PUM2: variants seen among roughly 807,000 people sequenced by gnomAD.
The protein encoded by PUM2 is pumilio RNA binding family member 2.
A neutral mutation model predicts 124.5 loss-of-function variants in PUM2; 57 were observed. The observed-to-expected ratio is 0.46, with a 90% CI of 0.37 to 0.57. The LOEUF (loss-of-function observed/expected upper bound fraction) is 0.57. Ranked by LOEUF, PUM2 falls within the 20% of genes least tolerant of loss-of-function variation. The pLI, the probability that PUM2 is intolerant of heterozygous loss-of-function variation, is 0.00. For missense variants in PUM2, 1,065 were observed against 1,290.6 expected, an observed-to-expected ratio of 0.83 and a Z score of 2.68; for synonymous variants, 460 against 446.1, an observed-to-expected ratio of 1.03 and a Z score of -0.39.
rs182781560 is a variant in PUM2, at chr2:20,255,381, C to A, written c.2623-40G>T. 1.0e-5 allele frequency: 16 copies of A among 1,555,808 alleles called. 1 individual carries two copies. In the African/African-American group the frequency reaches 1.6e-4, roughly 16 times the overall value. Reference sequence around the variant, plus strand: ...AAGAATTAAAATTTGTATTCTCTGACATTTTTGAACAGTTCTATGAAGCAG... The same window carrying A: ...AAGAATTAAAATTTGTATTCTCTGAAATTTTTGAACAGTTCTATGAAGCAG... On this transcript the variant is annotated intron_variant, in intron 17 of 20. Coordinates refer to ENST00000361078, the MANE Select transcript of PUM2 (RefSeq NM_015317.5).
At chr2:20,256,296 T>C (rs1664741687) in intron 16 of PUM2, 126 bp from the exon 17 acceptor site, 1 of 874,684 alleles carries the variant, frequency 1.1e-6, no homozygotes. Context: ...TTAAAAATAC[T>C]GAGATGGGAA....
chr2:20,340,635 C>T (rs1040639779), intron 1 of PUM2, among the ~76,000 whole-genome samples: 6 of 152,152 alleles, frequency 3.9e-5, no homozygotes, highest in African/African-American at 7.2e-5. Flanking sequence ...GCAAGACAGG[C>T]GGATTTTTAT....
chr2:20,260,259 C>T, intron 15 of PUM2, 78 bp downstream of exon 15: 1 of 1,369,532 alleles, frequency 7.3e-7, no homozygotes, highest in South Asian at 1.7e-5. Flanking sequence ...ATGACTTTAC[C>T]CAACTTTCAG....
At chr2:20,293,537 C>T (rs756841902) in intron 9 of PUM2, among the ~76,000 whole-genome samples, 3 of 151,908 alleles carry the variant, frequency 2.0e-5, no homozygotes, top group African/African-American at 7.3e-5. Context: ...GGTGAAACCC[C>T]GTCTCTAATA....
At chr2:20,343,508 T>C (rs1007411948) in intron 1 of PUM2, among the ~76,000 whole-genome samples, 20 of 152,230 alleles carry the variant, frequency 1.3e-4, no homozygotes, top group Non-Finnish European at 2.9e-5. Flanking sequence ...CCAGTTGTGC[T>C]AGTAATTGTA....
At chr2:20,255,425 T>A in intron 17 of PUM2, 84 bp from the exon 18 acceptor site, 1 of 1,414,056 alleles carries the variant, frequency 7.1e-7, no homozygotes, top group Non-Finnish European at 9.6e-7. Flanking sequence ...GTTTTTTTTT[T>A]TTTTGACAAC....
At position 20,312,325 on chromosome 2, in the gene PUM2, T is replaced by G; in HGVS notation, c.259A>C (p.Ser87Arg). 6.2e-7 allele frequency: 1 copy of G among 1,613,488 alleles called. No individual in the cohort carries two copies. The highest frequency in any genetic ancestry group is 1.3e-5 in the African/African-American group (1 of 75,008). The change falls in exon 4 of 21, where the codon AGT becomes CGT. Residue 87 changes from serine (S) to arginine (R), a missense_variant. Physicochemically the swap from Ser to Arg is moderately radical, Grantham distance 110. Coordinates refer to ENST00000361078, the MANE Select transcript of PUM2 (RefSeq NM_015317.5). ...VNAILSPRSE[S>R]GGLGVSMVEY... ...ACCATGCTCACACCAAGGCCTCCAC[T>G]TTCTGATCGCGGAGACAGTATTGCA...
chr2:20,337,582 A>T (rs1192784332), intron 1 of PUM2, among the ~76,000 whole-genome samples: 1 of 151,972 alleles, frequency 6.6e-6, no homozygotes. Flanking sequence ...GCAGTCTGAC[A>T]GAAAGCCACA....
chr2:20,332,890 T>G (rs1315636001), intron 1 of PUM2: 1 of 152,190 alleles, frequency 6.6e-6, no homozygotes, highest in East Asian at 1.9e-4. Context: ...ATAAATTCTA[T>G]CTTCAATTTT....
In PUM2 at chr2:20,255,966, C is replaced by T. The variant is rs574391182; in HGVS notation, c.2622+67G>A. 10 of 1,410,728 alleles carry T rather than the reference C, an allele frequency of 7.1e-6. No individual in the cohort carries two copies. In the Admixed American group the frequency reaches 1.1e-4, roughly 15 times the overall value. 87.4% of individuals were successfully genotyped at this position (1,410,728 alleles called of 1,614,324 possible). A position where few individuals can be genotyped will look rare whatever the true frequency, so the allele number is the denominator to read the frequency against. On this transcript the variant is annotated intron_variant, in intron 17 of 20. Coordinates refer to ENST00000361078, the MANE Select transcript of PUM2 (RefSeq NM_015317.5). Reference sequence around the variant, plus strand: ...GTATTATCTAGTGACTCATGAAAAACGTGTTGATATTCAAAATTCTAAAAT... The same window carrying T: ...GTATTATCTAGTGACTCATGAAAAATGTGTTGATATTCAAAATTCTAAAAT...
In PUM2 at chr2:20,271,006, G is replaced by A. The variant is rs749809309; in HGVS notation, c.1958-7546C>T. Among the ~76,000 whole-genome samples, 7 of 152,142 alleles carry A rather than the reference G, an allele frequency of 4.6e-5. No individual in the cohort carries two copies. The South Asian group carries it at 1.2e-3, about 27-fold the overall frequency. ...AAGATTATGAAATAAAGTGAAATAA[G>A]ACAAGAACATTACAATCATTATATT... On this transcript the variant is annotated intron_variant, in intron 13 of 20. Transcript: ENST00000361078.
intron 19 of PUM2, 141 bp downstream of exon 19, chr2:20,254,722 A>G: frequency 1.2e-6 from 1 of 830,708 alleles, no homozygotes; most frequent in South Asian, 2.7e-5. Flanking sequence ...AACAAAAGCA[A>G]TGTTCTATAG....
In PUM2 at chr2:20,256,210, C is replaced by T. The variant is rs74836332; in HGVS notation, c.2485-40G>A. The T allele has an allele frequency of 1.4e-3, 2,111 of 1,528,318 alleles. 15 individuals are homozygous for T. The African/African-American group carries it at 0.02, about 14-fold the overall frequency. 94.7% of individuals were successfully genotyped at this position (1,528,318 alleles called of 1,614,324 possible). A position where few individuals can be genotyped will look rare whatever the true frequency, so the allele number is the denominator to read the frequency against. ...ATGTCATTTAAATTATTACCTCAAA[C>T]GAGAAAATACTAGTATATTTTATCT... On this transcript the variant is annotated intron_variant, in intron 16 of 20. Coordinates refer to ENST00000361078, the MANE Select transcript of PUM2 (RefSeq NM_015317.5).
chr2:20,336,801 T>G (rs1006096027), intron 1 of PUM2, among the ~76,000 whole-genome samples: 31 of 126,448 alleles, frequency 2.5e-4, no homozygotes, highest in African/African-American at 4.5e-4. Flanking sequence ...TGTGTGTGTG[T>G]GGTACAGACG....
chr2:20,299,605 T>C (rs746699846), intron 7 of PUM2, among the ~76,000 whole-genome samples: 1 of 151,926 alleles, frequency 6.6e-6, no homozygotes, highest in African/African-American at 2.4e-5. Context: ...GAGGTGGAGG[T>C]TGCAGTGAGC....
Position 20,272,131 on chromosome 2 carries a change from T to TG in PUM2, c.1957+6451dup, listed in dbSNP as rs1264706202. On this transcript the variant is annotated intron_variant, in intron 13 of 20. Coordinates refer to ENST00000361078, the MANE Select transcript of PUM2 (RefSeq NM_015317.5). The stretch of plus-strand genomic sequence containing the variant: ...GAAATCGCACCATTGCACTCCAGCC[T>TG]GGGGGGCAGAGCAAGACTTCGTCAA... Among the ~76,000 whole-genome samples, 10 of 151,544 alleles carry TG rather than the reference T, an allele frequency of 6.6e-5. 3 individuals carry two copies. Among genetic ancestry groups the TG allele is most frequent in the African/African-American group, 2.4e-4 (10 of 41,250 alleles).
chr2:20,302,840 A>C (rs1426985911), intron 7 of PUM2, among the ~76,000 whole-genome samples: 2 of 152,250 alleles, frequency 1.3e-5, no homozygotes, highest in East Asian at 3.8e-4. Context: ...AAACTCTCTA[A>C]GATAACAAAA....
intron 1 of PUM2, among the ~76,000 whole-genome samples, chr2:20,348,389 C>A (rs1296153676): frequency 6.6e-6 from 1 of 152,080 alleles, no homozygotes; most frequent in Non-Finnish European, 1.5e-5. Context: ...ACAAGTATTT[C>A]CATATCCTGG....
chr2:20,258,924 C>T (rs1665513679), intron 15 of PUM2, among the ~76,000 whole-genome samples: 2 of 151,866 alleles, frequency 1.3e-5, no homozygotes, highest in South Asian at 2.1e-4. Flanking sequence ...GCCTCGGCCT[C>T]CCAAAGTGCT....
Sources: allele counts gnomAD v4.1 joint callset (sites outside exome capture counted in the v4.1 genomes callset), GRCh38; gene constraint gnomAD v4.1.1; transcripts MANE v1.5; gene names NCBI Gene and HGNC (gene_info 2026-07-23, HGNC 2026-07-21).